KCNMB2: variants seen among roughly 807,000 people sequenced by gnomAD.
KCNMB2 encodes calcium-activated potassium channel subunit beta-2.
A neutral mutation model predicts 24.5 loss-of-function variants in KCNMB2; 9 were observed. The observed-to-expected ratio is 0.37, with a 90% CI of 0.22 to 0.64. The LOEUF is 0.64. Among genes scored for constraint, KCNMB2 ranks in the 30% least tolerant of loss-of-function variants. The pLI is 0.63. For missense variants in KCNMB2, 226 were observed against 284.3 expected, an observed-to-expected ratio of 0.79 and a Z score of 1.47; for synonymous variants, 109 against 104.4, an observed-to-expected ratio of 1.04 and a Z score of -0.27.
chr3:178,753,442 C>T (rs1327155432), intron 1 of KCNMB2, among the ~76,000 whole-genome samples: 1 of 152,038 alleles, frequency 6.6e-6, no homozygotes, highest in Non-Finnish European at 1.5e-5. Flanking sequence ...TAATAACAAT[C>T]GTATTGGAAA....
intron 1 of KCNMB2, among the ~76,000 whole-genome samples, chr3:178,612,637 G>A (rs1350214461): frequency 6.6e-6 from 1 of 152,044 alleles, no homozygotes; most frequent in Admixed American, 6.5e-5. Context: ...CTTCATAGAT[G>A]TAGTATTTCC....
intron 1 of KCNMB2, among the ~76,000 whole-genome samples, chr3:178,705,330 C>G (rs1019880812): frequency 6.6e-6 from 1 of 152,140 alleles, no homozygotes; most frequent in Non-Finnish European, 1.5e-5. Flanking sequence ...GAATCTCAGG[C>G]CTGTGAAAAC....
chr3:178,767,600 T>C (rs1475537330), intron 1 of KCNMB2, among the ~76,000 whole-genome samples: 1 of 152,234 alleles, frequency 6.6e-6, no homozygotes, highest in African/African-American at 2.4e-5. Flanking sequence ...TGCTAAAAAC[T>C]AATTATGAGT....
At chr3:178,738,305 C>A (rs1158595249) in intron 1 of KCNMB2, among the ~76,000 whole-genome samples, 1 of 152,196 alleles carries the variant, frequency 6.6e-6, no homozygotes, top group Non-Finnish European at 1.5e-5. Flanking sequence ...AGCCTTCTAA[C>A]CTGTGCTCAT....
At chr3:178,585,091 C>A (rs542501326) in intron 1 of KCNMB2, among the ~76,000 whole-genome samples, 1 of 151,872 alleles carries the variant, frequency 6.6e-6, no homozygotes, top group Admixed American at 6.6e-5. Flanking sequence ...GGTTTTGGGT[C>A]AAATTAAAAC....
At chr3:178,611,729 C>G (rs1718491387) in intron 1 of KCNMB2, among the ~76,000 whole-genome samples, 1 of 151,922 alleles carries the variant, frequency 6.6e-6, no homozygotes, top group African/African-American at 2.4e-5. Context: ...AACAAACAAA[C>G]AAAAACCCTT....
chr3:178,698,784 AT>A (rs1376753522), intron 1 of KCNMB2, among the ~76,000 whole-genome samples: 1 of 151,834 alleles, frequency 6.6e-6, no homozygotes, highest in South Asian at 2.1e-4. Context: ...TGATTTTTGG[AT>A]TTTTTTCTTT....
In KCNMB2 at chr3:178,616,061, C is replaced by T. The variant is rs1718693857; in HGVS notation, c.-68+79350C>T. Among the ~76,000 whole-genome samples the T allele has an allele frequency of 3.3e-5, 5 of 152,094 alleles. 1 individual carries two copies. The highest frequency in any genetic ancestry group is 2.1e-4 in the South Asian group (1 of 4,812). On this transcript the variant is annotated intron_variant, in intron 1 of 4. Coordinates refer to ENST00000452583, the MANE Select transcript of KCNMB2 (RefSeq NM_181361.3). ...CCAAGATGCAAAACTAAGTCTTCCC[C>T]ACTCTTCCCTTTCCTCTCCACAAGC...
chr3:178,578,210 TG>T (rs1413522808), intron 1 of KCNMB2, among the ~76,000 whole-genome samples: 6 of 151,948 alleles, frequency 3.9e-5, no homozygotes, highest in South Asian at 2.1e-4. Context: ...CAGAATAGAG[TG>T]GGGGCCAATA....
At chr3:178,839,650 CT>C (rs1715356310) in intron 4 of KCNMB2, among the ~76,000 whole-genome samples, 1 of 152,106 alleles carries the variant, frequency 6.6e-6, no homozygotes, top group Admixed American at 6.6e-5. Context: ...CAAGGCATGT[CT>C]TTTCATACTG....
chr3:178,711,056 T>C (rs1375617933), intron 1 of KCNMB2, among the ~76,000 whole-genome samples: 2 of 152,180 alleles, frequency 1.3e-5, no homozygotes, highest in Non-Finnish European at 2.9e-5. Context: ...TATCCGTTTA[T>C]ATAAATAGTT....
intron 1 of KCNMB2, among the ~76,000 whole-genome samples, chr3:178,567,659 G>A (rs1716575243): frequency 6.6e-6 from 1 of 151,986 alleles, no homozygotes; most frequent in Non-Finnish European, 1.5e-5. Flanking sequence ...ATAACTTAAA[G>A]AGCAGCATGC....
chr3:178,839,671 A>C (rs981681634), intron 4 of KCNMB2, among the ~76,000 whole-genome samples: 2 of 152,136 alleles, frequency 1.3e-5, no homozygotes, highest in African/African-American at 2.4e-5. Flanking sequence ...GGCAGGAGAG[A>C]CAGCATGAGG....
At chr3:178,570,515 CTT>C (rs200106452) in intron 1 of KCNMB2, among the ~76,000 whole-genome samples, 782 of 114,246 alleles carry the variant, frequency 6.8e-3, no homozygotes, top group African/African-American at 0.019. Context: ...GTAATGATAC[CTT>C]TTTTTTTTTT....
At chr3:178,758,043 T>A (rs370336821) in intron 1 of KCNMB2, among the ~76,000 whole-genome samples, 5 of 6,904 alleles carry the variant, frequency 7.2e-4, no homozygotes, top group South Asian at 9.6e-3. Context: ...TATATATATC[T>A]AGATATATAT....
intron 1 of KCNMB2, among the ~76,000 whole-genome samples, chr3:178,768,248 A>T (rs951907759): frequency 1.3e-5 from 2 of 151,890 alleles, no homozygotes; most frequent in African/African-American, 4.8e-5. Flanking sequence ...CTGATTCCCT[A>T]TGCTGCTTTA....
chr3:178,611,001 A>C (rs1718461705), intron 1 of KCNMB2, among the ~76,000 whole-genome samples: 2 of 152,144 alleles, frequency 1.3e-5, no homozygotes, highest in Admixed American at 6.5e-5. Context: ...TCATAGAATA[A>C]ATTTGGAAGT....
intron 1 of KCNMB2, among the ~76,000 whole-genome samples, chr3:178,572,427 TAATACTGATGATGA>T (rs1716837902): frequency 6.6e-6 from 1 of 152,212 alleles, no homozygotes; most frequent in African/African-American, 2.4e-5. Flanking sequence ...TACTCTCAGC[TAATACTGATGATGA>T]AAGATTATCA....
At chr3:178,651,823 G>T (rs974472450) in intron 1 of KCNMB2, among the ~76,000 whole-genome samples, 1 of 152,206 alleles carries the variant, frequency 6.6e-6, no homozygotes, top group Non-Finnish European at 1.5e-5. Context: ...AATGGGGAAA[G>T]AATTCCCTAT....
Sources: gnomAD v4.1 joint callset for allele counts (sites outside exome capture counted in the v4.1 genomes callset) on GRCh38, gnomAD v4.1.1 for gene constraint, MANE v1.5 for transcripts, NCBI Gene and HGNC (gene_info 2026-07-23, HGNC 2026-07-21) for gene names.